GRIA1: variants seen among roughly 807,000 people sequenced by gnomAD.
GRIA1 encodes glutamate receptor 1.
A neutral mutation model predicts 99.2 loss-of-function variants in GRIA1; 31 were observed. The ratio of observed to expected loss-of-function variants is 0.31; its 90% confidence interval spans 0.23 to 0.42. The LOEUF (loss-of-function observed/expected upper bound fraction) is 0.42. Among genes scored for constraint, GRIA1 ranks in the 10% least tolerant of loss-of-function variants. The pLI is 1.00. For synonymous variants in GRIA1, 438 were observed against 432.4 expected, an observed-to-expected ratio of 1.01 and a Z score of -0.16; for missense variants, 782 against 1,157.5, an observed-to-expected ratio of 0.68 and a Z score of 4.71.
At chr5:153,526,711 G>A (rs1757630647) in intron 2 of GRIA1, among the ~76,000 whole-genome samples, 1 of 152,196 alleles carries the variant, frequency 6.6e-6, no homozygotes, top group Non-Finnish European at 1.5e-5. Flanking sequence ...ACAATCATCT[G>A]CAGGAGGCAG....
chr5:153,554,555 G>T (rs534628685), intron 2 of GRIA1, among the ~76,000 whole-genome samples: 1 of 152,150 alleles, frequency 6.6e-6, no homozygotes, highest in African/African-American at 2.4e-5. Flanking sequence ...ATGCAGTGGC[G>T]TGATCTTGGC....
intron 2 of GRIA1, among the ~76,000 whole-genome samples, chr5:153,523,016 A>ATCTCTCTCTCTCTCTCTTTC (rs1757289313): frequency 7.1e-6 from 1 of 141,554 alleles, no homozygotes; most frequent in Non-Finnish European, 1.5e-5. Context: ...TGTTCCTGAT[A>ATCTCTCTCTCTCTCTCTTTC]TCTCTCTCTC....
Position 153,794,746 on chromosome 5 carries a change from G to GA in GRIA1, c.2385+11_2385+12insA. The GA allele has an allele frequency of 6.5e-7, 1 of 1,538,580 alleles. No individual in the cohort carries two copies. Among genetic ancestry groups the GA allele is most frequent in the Admixed American group, 1.8e-5 (1 of 55,504 alleles). ...GGAGGTGATTCCAAGGTCAGCCCCAGTAAGAAAAAAAAAAACCTAGTGGGT... is the reference window on the plus strand; with the variant it reads ...GGAGGTGATTCCAAGGTCAGCCCCAGATAAGAAAAAAAAAAACCTAGTGGGT... On this transcript the variant is annotated intron_variant, in intron 14 of 15. Transcript: ENST00000285900.
At chr5:153,650,255 G>T in intron 3 of GRIA1, 75 bp from the exon 4 acceptor site, 1 of 1,319,618 alleles carries the variant, frequency 7.6e-7, no homozygotes, top group Non-Finnish European at 1.1e-6. Context: ...AGGGGAGGTA[G>T]GTGCCTGATG....
chr5:153,524,953 A>C (rs564642171), intron 2 of GRIA1, among the ~76,000 whole-genome samples: 1 of 152,308 alleles, frequency 6.6e-6, no homozygotes, highest in African/African-American at 2.4e-5. Flanking sequence ...ATTTGGCAGA[A>C]CTGTCTTTGT....
intron 11 of GRIA1, among the ~76,000 whole-genome samples, chr5:153,727,739 C>A (rs1760672604): frequency 6.6e-6 from 1 of 152,056 alleles, no homozygotes; most frequent in Non-Finnish European, 1.5e-5. Context: ...AAAGAGGTTA[C>A]AAAGAAATGG....
intron 2 of GRIA1, among the ~76,000 whole-genome samples, chr5:153,620,944 AC>A (rs1314269299): frequency 1.3e-5 from 2 of 152,142 alleles, no homozygotes; most frequent in Non-Finnish European, 2.9e-5. Flanking sequence ...CACAAAACCA[AC>A]CAACCAACCA....
At chr5:153,736,982 T>C (rs1761422122) in intron 11 of GRIA1, among the ~76,000 whole-genome samples, 1 of 152,120 alleles carries the variant, frequency 6.6e-6, no homozygotes. Flanking sequence ...TTGGGATCAT[T>C]AGAGAATGGT....
intron 2 of GRIA1, among the ~76,000 whole-genome samples, chr5:153,533,718 G>T (rs1332167771): frequency 6.6e-6 from 1 of 152,192 alleles, no homozygotes; most frequent in Non-Finnish European, 1.5e-5. Context: ...CAAATAAAGT[G>T]AAGAGAAGGG....
At chr5:153,504,360 A>ATG (rs397734533) in intron 2 of GRIA1, among the ~76,000 whole-genome samples, 4 of 151,676 alleles carry the variant, frequency 2.6e-5, no homozygotes, top group African/African-American at 9.7e-5. Context: ...ATATATATAT[A>ATG]CACTATCTAT....
intron 2 of GRIA1, among the ~76,000 whole-genome samples, chr5:153,643,906 T>C (rs1241622185): frequency 6.6e-6 from 1 of 152,154 alleles, no homozygotes; most frequent in Non-Finnish European, 1.5e-5. Context: ...CCTTTCCTAC[T>C]TCACTTCTAA....
At position 153,551,197 on chromosome 5, in the gene GRIA1, C is replaced by G. The variant is rs369981848; in HGVS notation, c.220+57132C>G. 2.0e-5 allele frequency among the ~76,000 whole-genome samples: 3 copies of G among 152,268 alleles called. No individual in the cohort carries two copies. In the East Asian group the frequency reaches 5.8e-4, roughly 29 times the overall value. On this transcript the variant is annotated intron_variant, in intron 2 of 15. Transcript: ENST00000285900. ...AATATTTTCTGTAGCATTCCCTACA[C>G]CAAATCGGCCTTGCTCGGTCATGCA...
At chr5:153,799,144 G>T (rs764749241) in intron 14 of GRIA1, among the ~76,000 whole-genome samples, 1 of 152,136 alleles carries the variant, frequency 6.6e-6, no homozygotes, top group Non-Finnish European at 1.5e-5. Flanking sequence ...GGAGAATGGG[G>T]TACCCTGAGG....
chr5:153,795,693 G>T lies in GRIA1; in HGVS notation c.2385+958G>T. ...AGAGGCTTGGAGGCCTTAGAGAGCT[G>T]GGCCCCAGCAGGGCCTTGATGTCCA... is the stretch of plus-strand genomic sequence containing the variant. On this transcript the variant is annotated intron_variant, in intron 14 of 15. Transcript: ENST00000285900. 4.7e-6 allele frequency: 3 copies of T among 636,676 alleles called. No individual in the cohort carries two copies. In the South Asian group the frequency reaches 6.1e-5, roughly 13 times the overall value. 39.4% of individuals were successfully genotyped at this position (636,676 alleles called of 1,614,324 possible).
chr5:153,718,478 A>C (rs1187643930), intron 11 of GRIA1, among the ~76,000 whole-genome samples: 1 of 152,146 alleles, frequency 6.6e-6, no homozygotes, highest in Admixed American at 6.5e-5. Flanking sequence ...ATTCAGACAA[A>C]CCTGGGTTTG....
chr5:153,562,774 G>T (rs894654775), intron 2 of GRIA1, among the ~76,000 whole-genome samples: 1 of 152,128 alleles, frequency 6.6e-6, no homozygotes, highest in Non-Finnish European at 1.5e-5. Flanking sequence ...ATATCTCAAG[G>T]TGTCATTATT....
At chr5:153,698,585 C>G (rs1353428663) in intron 9 of GRIA1, among the ~76,000 whole-genome samples, 5 of 105,588 alleles carry the variant, frequency 4.7e-5, no homozygotes, top group Non-Finnish European at 9.5e-5. Context: ...CAAGATGACC[C>G]CAGAGGTATT....
intron 2 of GRIA1, among the ~76,000 whole-genome samples, chr5:153,579,480 T>C (rs1052451551): frequency 6.6e-6 from 1 of 152,182 alleles, no homozygotes; most frequent in African/African-American, 2.4e-5. Context: ...TTCTTCACTC[T>C]CTTACCTGAG....
Position 153,813,283 on chromosome 5 carries a change from C to T in GRIA1, c.*2058C>T, listed in dbSNP as rs769191951. The T allele has an allele frequency of 9.2e-5, 14 of 152,178 alleles. No individual in the cohort carries two copies. The highest frequency in any genetic ancestry group is 1.4e-4 in the African/African-American group (6 of 41,418). 9.4% of individuals were successfully genotyped at this position (152,178 alleles called of 1,614,324 possible). ...GCCTTCAGCCTACCACTGCAGAATC[C>T]GATGTGACCCACCATTAGGGAGTCT... On this transcript the variant is annotated 3_prime_UTR_variant, in exon 16 of 16. Coordinates refer to ENST00000285900, the MANE Select transcript of GRIA1 (RefSeq NM_000827.4).
Sources: allele counts gnomAD v4.1 joint callset (sites outside exome capture counted in the v4.1 genomes callset), GRCh38; gene constraint gnomAD v4.1.1; transcripts MANE v1.5; gene names NCBI Gene and HGNC (gene_info 2026-07-23, HGNC 2026-07-21).